USP48: variants seen among roughly 807,000 people sequenced by gnomAD.
The protein encoded by USP48 is ubiquitin specific peptidase 48.
A neutral mutation model predicts 150.7 loss-of-function variants in USP48; 43 were observed. The observed-to-expected ratio is 0.29, with a 90% CI of 0.22 to 0.37. The LOEUF is 0.37. USP48 is among the 10% of genes least tolerant of loss of function. USP48 has a pLI of 1.00. For synonymous variants in USP48, 396 were observed against 425.9 expected, an observed-to-expected ratio of 0.93 and a Z score of 0.86; for missense variants, 813 against 1,249.6, an observed-to-expected ratio of 0.65 and a Z score of 5.27.
chr1:21,721,145 C>G lies in USP48; in HGVS notation c.1785G>C (p.Gly595=). The G allele has an allele frequency of 6.2e-7, 1 of 1,614,250 alleles. No homozygotes were observed. Among genetic ancestry groups the G allele is most frequent in the Non-Finnish European group, 8.5e-7 (1 of 1,180,036 alleles). ...GGCGCCAACTCCGCAAGGAGGACTT[C>G]CCCACCCAAAATCCATCGCTGCTGT... ...AVKGSDGFWV[G]KSSLRSWRQL... Residue 595 remains glycine, a synonymous_variant, in exon 14 of 27, where the codon GGG becomes GGC. Coordinates refer to ENST00000308271, the MANE Select transcript of USP48 (RefSeq NM_032236.8).
chr1:21,698,850 G>GCAC (rs2152510745), intron 22 of USP48, among the ~76,000 whole-genome samples: 1 of 151,974 alleles, frequency 6.6e-6, no homozygotes, highest in South Asian at 2.1e-4. Flanking sequence ...AGCCGAGATG[G>GCAC]CACCACTGCA....
At chr1:21,731,542 G>T (rs1201094047) in intron 9 of USP48, among the ~76,000 whole-genome samples, 1 of 151,440 alleles carries the variant, frequency 6.6e-6, no homozygotes, top group Non-Finnish European at 1.5e-5. Flanking sequence ...GGGATTACAG[G>T]AGTGAGCCAC....
chr1:21,735,845 G>A (rs1051801136), intron 9 of USP48, among the ~76,000 whole-genome samples: 10 of 146,788 alleles, frequency 6.8e-5, no homozygotes, highest in African/African-American at 2.5e-4. Context: ...CCGAAATCTC[G>A]CCATTGCACT....
chr1:21,765,337 G>A (rs1364525965), intron 1 of USP48, among the ~76,000 whole-genome samples: 1 of 152,154 alleles, frequency 6.6e-6, no homozygotes, highest in African/African-American at 2.4e-5. Context: ...CAGACCGGGC[G>A]GGGTGTGGTA....
At chr1:21,758,897 C>T (rs893887008) in intron 1 of USP48, among the ~76,000 whole-genome samples, 1 of 152,106 alleles carries the variant, frequency 6.6e-6, no homozygotes, top group African/African-American at 2.4e-5. Flanking sequence ...ACTGGCTAGG[C>T]GTGGTGGTTC....
chr1:21,700,575 G>A (rs2097652514), intron 22 of USP48, among the ~76,000 whole-genome samples: 1 of 152,170 alleles, frequency 6.6e-6, no homozygotes, highest in African/African-American at 2.4e-5. Context: ...TTCTTTCAGG[G>A]AGAACACCAT....
intron 1 of USP48, among the ~76,000 whole-genome samples, chr1:21,759,572 G>C (rs982766914): frequency 9.2e-5 from 14 of 152,126 alleles, no homozygotes; most frequent in Non-Finnish European, 1.6e-4. Context: ...ACATCTTACT[G>C]TGCCCTAAAA....
chr1:21,696,752 A>G (rs2097633515), intron 22 of USP48, among the ~76,000 whole-genome samples: 1 of 152,130 alleles, frequency 6.6e-6, no homozygotes, highest in Non-Finnish European at 1.5e-5. Flanking sequence ...TACATGCGGT[A>G]CCAGTCAAGA....
intron 6 of USP48, 104 bp downstream of exon 6, chr1:21,751,403 T>C: frequency 1.2e-6 from 1 of 835,110 alleles, no homozygotes; most frequent in Non-Finnish European, 2.0e-6. Flanking sequence ...TAGAAAAAGC[T>C]GACACAATAA....
At chr1:21,750,601 G>A (rs1257882582) in intron 6 of USP48, among the ~76,000 whole-genome samples, 10 of 152,146 alleles carry the variant, frequency 6.6e-5, no homozygotes, top group South Asian at 2.1e-4. Context: ...GGCCAGGCGC[G>A]GTGGTTCACG....
intron 23 of USP48, among the ~76,000 whole-genome samples, chr1:21,694,572 C>CAAAAAAAAAAAAAAAAA (rs1204062748): frequency 5.0e-4 from 6 of 12,024 alleles, no homozygotes; most frequent in African/African-American, 2.3e-3. Flanking sequence ...TCTGTCTCAC[C>CAAAAAAAAAAAAAAAAA]AAAAAAAAAA....
chr1:21,765,901 C>CAAAAAAAAAAAAAAAAAAAAAAA (rs199539331), intron 1 of USP48, among the ~76,000 whole-genome samples: 1 of 112,162 alleles, frequency 8.9e-6, no homozygotes, highest in African/African-American at 4.1e-5. Flanking sequence ...ACTCCATCTC[C>CAAAAAAAAAAAAAAAAAAAAAAA]AAAAAAAAAA....
intron 1 of USP48, among the ~76,000 whole-genome samples, chr1:21,771,936 G>A (rs773580589): frequency 6.6e-6 from 1 of 151,698 alleles, no homozygotes; most frequent in African/African-American, 2.4e-5. Context: ...AAAAAGGACT[G>A]AAAAATAAAC....
At chr1:21,767,726 A>G (rs936842540) in intron 1 of USP48, among the ~76,000 whole-genome samples, 1 of 151,896 alleles carries the variant, frequency 6.6e-6, no homozygotes, top group African/African-American at 2.4e-5. Flanking sequence ...TTGAAAAATC[A>G]TTGAAGAAGG....
intron 15 of USP48, among the ~76,000 whole-genome samples, chr1:21,707,517 A>T (rs930064380): frequency 2.6e-5 from 4 of 152,176 alleles, no homozygotes; most frequent in Admixed American, 2.6e-4. Flanking sequence ...TTCAATCTTC[A>T]AAAATCCCAG....
chr1:21,725,208 G>A (rs192819903), intron 11 of USP48: 25 of 152,300 alleles, frequency 1.6e-4, no homozygotes, highest in African/African-American at 6.0e-4. Flanking sequence ...GAAGAGCACA[G>A]GACTGTGAGT....
intron 8 of USP48, among the ~76,000 whole-genome samples, chr1:21,744,450 A>G (rs1349423141): frequency 1.3e-5 from 2 of 150,076 alleles, no homozygotes; most frequent in Non-Finnish European, 3.0e-5. Flanking sequence ...TCTCAAAAAA[A>G]AAAACAGAAA....
intron 1 of USP48, among the ~76,000 whole-genome samples, chr1:21,769,961 G>GA (rs1486596337): frequency 2.6e-5 from 4 of 152,014 alleles, no homozygotes; most frequent in Non-Finnish European, 4.4e-5. Context: ...CAAATACATG[G>GA]AAAAATCAAA....
intron 1 of USP48, chr1:21,768,568 A>AT (rs1158648847): frequency 1.3e-5 from 2 of 152,104 alleles, no homozygotes; most frequent in African/African-American, 4.8e-5. Context: ...TATTGGCAGC[A>AT]TGGCCCTAGT....
Sources: gnomAD v4.1 joint callset for allele counts (sites outside exome capture counted in the v4.1 genomes callset) on GRCh38, gnomAD v4.1.1 for gene constraint, MANE v1.5 for transcripts, NCBI Gene and HGNC (gene_info 2026-07-23, HGNC 2026-07-21) for gene names.